RAB11FIP4: variants seen among roughly 807,000 people sequenced by gnomAD.
RAB11FIP4 encodes the protein rab11 family-interacting protein 4.
Under a neutral mutation model 74.3 loss-of-function variants are expected in RAB11FIP4, and 23 were observed. That is an observed-to-expected ratio of 0.31 (90% CI 0.22 to 0.44). RAB11FIP4 has a LOEUF of 0.44. Among genes scored for constraint, RAB11FIP4 ranks in the 20% least tolerant of loss-of-function variants. RAB11FIP4 has a pLI of 1.00. For missense variants in RAB11FIP4, 630 were observed against 863.9 expected (o/e 0.73, Z 3.39); for synonymous variants, 360 against 359.9 (o/e 1.00, Z 0.00).
At chr17:31,439,624 G>A (rs1048139148) in intron 3 of RAB11FIP4, among the ~76,000 whole-genome samples, 1 of 151,992 alleles carries the variant, frequency 6.6e-6, no homozygotes, top group African/African-American at 2.4e-5. Flanking sequence ...TTGCTTGTTT[G>A]TTTTTTGAGG....
Position 31,528,482 on chromosome 17 carries a change from T to C in RAB11FIP4, c.1433T>C (p.Met478Thr). 6.2e-7 allele frequency: 1 copy of C among 1,613,772 alleles called. No individual in the cohort carries two copies. The highest frequency in any genetic ancestry group is 8.5e-7 in the Non-Finnish European group (1 of 1,180,030). The change falls in exon 12 of 15, where the codon ATG becomes ACG. Residue 478 changes from methionine to threonine, a missense_variant. By Grantham distance (81) the Met-to-Thr change is moderately conservative. Transcript: ENST00000621161. ...LKDEMDLYKRMMDKLRQNRLE... is the reference protein window; with the variant it reads ...LKDEMDLYKRTMDKLRQNRLE... ...GATGAGATGGACCTGTACAAGCGCA[T>C]GATGGACAAGCTGCGACAGAACCGC...
chr17:31,470,177 A>G (rs1045670126), intron 3 of RAB11FIP4, among the ~76,000 whole-genome samples: 1 of 152,154 alleles, frequency 6.6e-6, no homozygotes, highest in African/African-American at 2.4e-5. Context: ...GCCTGCCACT[A>G]TCAAAGTGGT....
intron 3 of RAB11FIP4, among the ~76,000 whole-genome samples, chr17:31,515,832 C>G (rs901179465): frequency 1.3e-5 from 2 of 152,178 alleles, no homozygotes; most frequent in African/African-American, 4.8e-5. Context: ...AGCTGCCCCT[C>G]GGTCTAGGGC....
At chr17:31,467,547 C>T (rs2071697746) in intron 3 of RAB11FIP4, among the ~76,000 whole-genome samples, 1 of 152,172 alleles carries the variant, frequency 6.6e-6, no homozygotes, top group Non-Finnish European at 1.5e-5. Flanking sequence ...AAGTTTGGCC[C>T]AGGGACATGA....
intron 1 of RAB11FIP4, among the ~76,000 whole-genome samples, chr17:31,416,219 G>A (rs943847898): frequency 3.3e-5 from 5 of 152,132 alleles, no homozygotes; most frequent in East Asian, 1.9e-4. Flanking sequence ...TCCTGGGCCC[G>A]GGGCTCCTGA....
chr17:31,415,707 GTC>G (rs2151621323), intron 1 of RAB11FIP4, among the ~76,000 whole-genome samples: 1 of 152,124 alleles, frequency 6.6e-6, no homozygotes, highest in East Asian at 1.9e-4. Flanking sequence ...CAGTAAAGCA[GTC>G]TGTGGTGGAG....
intron 1 of RAB11FIP4, among the ~76,000 whole-genome samples, chr17:31,409,343 A>G (rs2071071660): frequency 6.6e-6 from 1 of 152,164 alleles, no homozygotes; most frequent in Admixed American, 6.5e-5. Flanking sequence ...AATTGTATCA[A>G]ATGTCTTCCC....
rs1280421108 is a variant in RAB11FIP4 at position 31,521,369 on chromosome 17, T to G, written c.758+9T>G. The G allele has an allele frequency of 6.3e-7, 1 of 1,587,128 alleles. No individual in the cohort carries two copies. Among genetic ancestry groups the G allele is most frequent in the Non-Finnish European group, 8.6e-7 (1 of 1,164,002 alleles). On this transcript the variant is annotated intron_variant, in intron 5 of 14. Transcript: ENST00000621161. ...TCTTCGGTGTCTTCCAGGTGGCCCC[T>G]TGGTCTGGGATGTCATTTGGGGTCA...
Position 31,466,591 on chromosome 17 carries a change from G to A in RAB11FIP4, c.336+32469G>A, listed in dbSNP as rs750947207. On this transcript the variant is annotated intron_variant, in intron 3 of 14. Transcript: ENST00000621161. ...AAAGTTGGTTGGGGCTTCTACACTC[G>A]TCCCACATAGTTCCTGCCTGGGCGT... 5.3e-5 allele frequency among the ~76,000 whole-genome samples: 8 copies of A among 152,282 alleles called. No individual in the cohort carries two copies. The South Asian group carries it at 8.3e-4, about 16-fold the overall frequency.
rs2142796067 is a variant in RAB11FIP4, at chr17:31,512,702, A to G, written c.337-4949A>G. Among the ~76,000 whole-genome samples the G allele has an allele frequency of 6.6e-6, 1 of 152,176 alleles. No individual in the cohort carries two copies. Among genetic ancestry groups the G allele is most frequent in the East Asian group, 1.9e-4 (1 of 5,178 alleles). On this transcript the variant is annotated intron_variant, in intron 3 of 14. Transcript: ENST00000621161. This position sits in a 1 kb window ranked among gnomAD's most constrained non-coding sequence, Gnocchi z 4.1. ...CGATGCCCGGTGCTGCCTCCTGAGG[A>G]TACCACACTGTCCCTTCCCCAAAGG...
intron 3 of RAB11FIP4, among the ~76,000 whole-genome samples, chr17:31,488,996 G>A (rs1006023754): frequency 2.6e-5 from 4 of 152,206 alleles, no homozygotes; most frequent in Admixed American, 1.3e-4. Flanking sequence ...ACTCTCCAGT[G>A]CCTTCTCTTT....
At chr17:31,424,610 C>G (rs1452124446) in intron 1 of RAB11FIP4, among the ~76,000 whole-genome samples, 1 of 146,630 alleles carries the variant, frequency 6.8e-6, no homozygotes, top group Non-Finnish European at 1.5e-5. Flanking sequence ...GAGTCTCGCT[C>G]TGTTGTCCAG....
At chr17:31,530,241 G>A (rs1183814334) in intron 13 of RAB11FIP4, 85 bp from the exon 14 acceptor site, 15 of 1,540,464 alleles carry the variant, frequency 9.7e-6, no homozygotes, top group East Asian at 4.5e-5. Context: ...GCGGCAGGTC[G>A]GGGACGGTGG....
chr17:31,397,426 T>G (rs931287149), intron 1 of RAB11FIP4, among the ~76,000 whole-genome samples: 3 of 152,204 alleles, frequency 2.0e-5, no homozygotes, highest in African/African-American at 7.2e-5. Context: ...CCCAACGAGC[T>G]ACTCCCAAAA....
At chr17:31,449,395 C>T (rs749869882) in intron 3 of RAB11FIP4, among the ~76,000 whole-genome samples, 2 of 152,148 alleles carry the variant, frequency 1.3e-5, no homozygotes, top group Non-Finnish European at 2.9e-5. Context: ...GGGAAGCACC[C>T]GCTTGACCAC....
chr17:31,498,288 C>T (rs1269010131), intron 3 of RAB11FIP4, among the ~76,000 whole-genome samples: 1 of 152,196 alleles, frequency 6.6e-6, no homozygotes, highest in Non-Finnish European at 1.5e-5. Context: ...GCTTGAGTGA[C>T]ACCCCCCAAC....
In RAB11FIP4 at chr17:31,532,013, A is replaced by C. The variant is rs925360798; in HGVS notation, c.*281A>C. The C allele has an allele frequency of 3.2e-5, 11 of 348,504 alleles. No homozygotes were observed. The Admixed American group carries it at 3.9e-4, about 12-fold the overall frequency. 21.6% of individuals were successfully genotyped at this position (348,504 alleles called of 1,614,324 possible). A position where few individuals can be genotyped will look rare whatever the true frequency, so the allele number is the denominator to read the frequency against. Reference sequence around the variant, plus strand: ...GAAGTGGGAGGAGGCAAGGTCTGCTATCAGGAGTTACTGTAAAAACAAGAA... The same window carrying C: ...GAAGTGGGAGGAGGCAAGGTCTGCTCTCAGGAGTTACTGTAAAAACAAGAA... On this transcript the variant is annotated 3_prime_UTR_variant, in exon 15 of 15. Coordinates refer to ENST00000621161, the MANE Select transcript of RAB11FIP4 (RefSeq NM_032932.6).
At chr17:31,452,056 G>A (rs2071532166) in intron 3 of RAB11FIP4, among the ~76,000 whole-genome samples, 1 of 152,064 alleles carries the variant, frequency 6.6e-6, no homozygotes, top group Non-Finnish European at 1.5e-5. Context: ...CTAGCTTTTT[G>A]AAAGATACAA....
intron 3 of RAB11FIP4, among the ~76,000 whole-genome samples, chr17:31,474,709 T>C (rs1597938908): frequency 6.7e-6 from 1 of 148,178 alleles, no homozygotes; most frequent in South Asian, 2.1e-4. Flanking sequence ...AAAGGAGAGA[T>C]CCGGTGCCTG....
Sources: allele counts gnomAD v4.1 joint callset (sites outside exome capture counted in the v4.1 genomes callset), GRCh38; gene constraint gnomAD v4.1.1; non-coding constraint Gnocchi (gnomAD v3.1); transcripts MANE v1.5; gene names NCBI Gene and HGNC (gene_info 2026-07-23, HGNC 2026-07-21).